Variants in ZNF385D observed in about 807,000 individuals in gnomAD.
ZNF385D encodes the protein zinc finger protein 659.
ZNF385D carries 15 observed loss-of-function variants against 35.8 expected under a neutral mutation model. That is an observed-to-expected ratio of 0.42 (90% CI 0.28 to 0.64). The LOEUF is 0.64. Ranked by LOEUF, ZNF385D falls within the 30% of genes least tolerant of loss-of-function variation. ZNF385D has a pLI of 0.23. For synonymous variants in ZNF385D, 212 were observed against 186.8 expected, an observed-to-expected ratio of 1.13 and a Z score of -1.10; for missense variants, 474 against 494.6, an observed-to-expected ratio of 0.96 and a Z score of 0.39.
At chr3:22,215,608 T>C (rs1697825931) in intron 2 of ZNF385D, among the ~76,000 whole-genome samples, 1 of 152,088 alleles carries the variant, frequency 6.6e-6, no homozygotes, top group African/African-American at 2.4e-5. Flanking sequence ...TAAGATGTTA[T>C]CAATGAAAAT....
intron 2 of ZNF385D, among the ~76,000 whole-genome samples, chr3:22,325,709 G>A (rs78786008): frequency 0.022 from 3,404 of 152,216 alleles, 124 homozygotes; most frequent in African/African-American, 0.078. Context: ...AGTGAGCCAA[G>A]ATCACGCCAT....
chr3:21,986,634 T>A lies in ZNF385D; in HGVS notation c.325+182183A>T, dbSNP rs1694819914. The stretch of plus-strand genomic sequence containing the variant: ...AGGTGTGGTGTGGTGCTGAAAAAAA[T>A]GTATATTCTGTTGATTTGGGGTGGA... On this transcript the variant is annotated intron_variant, in intron 3 of 5. Coordinates refer to the ZNF385D transcript ENST00000494108. 6.1e-5 allele frequency among the ~76,000 whole-genome samples: 9 copies of A among 146,954 alleles called. No individual in the cohort carries two copies. In the South Asian group the frequency reaches 1.9e-3, roughly 32 times the overall value.
At chr3:21,889,331 A>C (rs1325175940) in intron 3 of ZNF385D, among the ~76,000 whole-genome samples, 2 of 152,178 alleles carry the variant, frequency 1.3e-5, no homozygotes, top group African/African-American at 4.8e-5. Flanking sequence ...CCTCAGATGC[A>C]AGATGGGGGA....
intron 4 of ZNF385D, among the ~76,000 whole-genome samples, chr3:21,487,251 T>G (rs1705101568): frequency 6.6e-6 from 1 of 152,112 alleles, no homozygotes; most frequent in Non-Finnish European, 1.5e-5. Context: ...TTCCATAAAA[T>G]ATTGTGGCCT....
At position 21,932,325 on chromosome 3, in the gene ZNF385D, A is replaced by C. The variant is rs1291094176; in HGVS notation, c.325+236492T>G. 2.0e-5 allele frequency among the ~76,000 whole-genome samples: 3 copies of C among 152,098 alleles called. No individual in the cohort carries two copies. The East Asian group carries it at 5.8e-4, about 29-fold the overall frequency. On this transcript the variant is annotated intron_variant, in intron 3 of 5. Coordinates refer to the ZNF385D transcript ENST00000494108. Reference sequence around the variant, plus strand: ...TGTAAATGTTCCTAAATCTAGAACTAAGGAAAAAAGATTCAAAACGCAATT... The same window carrying C: ...TGTAAATGTTCCTAAATCTAGAACTCAGGAAAAAAGATTCAAAACGCAATT...
At chr3:22,366,247 A>C (rs1696651581) in intron 2 of ZNF385D, among the ~76,000 whole-genome samples, 1 of 152,086 alleles carries the variant, frequency 6.6e-6, no homozygotes, top group African/African-American at 2.4e-5. Flanking sequence ...AACTACACCC[A>C]ATACAAGTAC....
At chr3:21,868,712 A>G (rs1391487820) in intron 3 of ZNF385D, among the ~76,000 whole-genome samples, 2 of 152,174 alleles carry the variant, frequency 1.3e-5, no homozygotes, top group East Asian at 1.9e-4. Flanking sequence ...ATTAGTTCAC[A>G]TATGTAAATT....
intron 3 of ZNF385D, among the ~76,000 whole-genome samples, chr3:22,162,222 G>A (rs1435757183): frequency 6.6e-6 from 1 of 152,074 alleles, no homozygotes; most frequent in African/African-American, 2.4e-5. Context: ...GACTTTGAAG[G>A]AAACCAGAAT....
At chr3:22,359,822 G>A (rs1002757852) in intron 2 of ZNF385D, among the ~76,000 whole-genome samples, 1 of 151,718 alleles carries the variant, frequency 6.6e-6, no homozygotes, top group African/African-American at 2.4e-5. Flanking sequence ...ATAAACAAAT[G>A]AATTTATAAT....
chr3:21,617,251 A>G (rs1465273711), intron 2 of ZNF385D, among the ~76,000 whole-genome samples: 1 of 152,194 alleles, frequency 6.6e-6, no homozygotes, highest in African/African-American at 2.4e-5. Flanking sequence ...GCTCAAAACA[A>G]TAACCTAAGT....
At chr3:21,610,707 G>A (rs1041645954) in intron 2 of ZNF385D, among the ~76,000 whole-genome samples, 1 of 151,988 alleles carries the variant, frequency 6.6e-6, no homozygotes, top group African/African-American at 2.4e-5. Flanking sequence ...CCCAGGAGGC[G>A]GGGCTTGCAG....
chr3:21,886,102 T>G (rs901304700), intron 3 of ZNF385D, among the ~76,000 whole-genome samples: 1 of 152,086 alleles, frequency 6.6e-6, no homozygotes, highest in Non-Finnish European at 1.5e-5. Context: ...AAATTAACCA[T>G]CACATAGATA....
intron 2 of ZNF385D, among the ~76,000 whole-genome samples, chr3:22,295,507 A>G (rs992058551): frequency 6.6e-6 from 1 of 152,154 alleles, no homozygotes; most frequent in African/African-American, 2.4e-5. Context: ...GCGTACATGT[A>G]GGTGTATGGC....
intron 3 of ZNF385D, among the ~76,000 whole-genome samples, chr3:22,095,669 A>G (rs1023146928): frequency 6.6e-6 from 1 of 150,868 alleles, no homozygotes; most frequent in Non-Finnish European, 1.5e-5. Flanking sequence ...TGATTTCTTT[A>G]TTTTAATTTT....
At chr3:22,183,298 C>A (rs890559633) in intron 2 of ZNF385D, among the ~76,000 whole-genome samples, 1 of 152,030 alleles carries the variant, frequency 6.6e-6, no homozygotes, top group Admixed American at 6.6e-5. Context: ...TAACAGTATG[C>A]ATTCTGCTCT....
At chr3:22,094,395 T>TCAACAATATATATTGTTG (rs1553606514) in intron 3 of ZNF385D, among the ~76,000 whole-genome samples, 1 of 136,314 alleles carries the variant, frequency 7.3e-6, no homozygotes, top group East Asian at 2.1e-4. Flanking sequence ...GATATATATA[T>TCAACAATATATATTGTTG]ATATATATAT....
intron 2 of ZNF385D, among the ~76,000 whole-genome samples, chr3:22,255,022 T>C (rs771989579): frequency 1.3e-5 from 2 of 151,886 alleles, no homozygotes; most frequent in African/African-American, 4.8e-5. Context: ...TTCAGAACAA[T>C]GTGCAAACAT....
At position 21,860,086 on chromosome 3, in the gene ZNF385D, T is replaced by C. The variant is rs187095764; in HGVS notation, c.326-195058A>G. Among the ~76,000 whole-genome samples the C allele has an allele frequency of 3.3e-5, 5 of 152,212 alleles. No homozygotes were observed. The East Asian group carries it at 9.7e-4, about 29-fold the overall frequency. On this transcript the variant is annotated intron_variant, in intron 3 of 5. Coordinates refer to the ZNF385D transcript ENST00000494108. Reference sequence around the variant, plus strand: ...ACAGGCTCTTTTAGGGTTAAAAAAGTACAAAATTAGGATGAATGTTGAAAT... The same window carrying C: ...ACAGGCTCTTTTAGGGTTAAAAAAGCACAAAATTAGGATGAATGTTGAAAT...
intron 3 of ZNF385D, among the ~76,000 whole-genome samples, chr3:21,910,899 T>G (rs956365646): frequency 6.6e-6 from 1 of 151,940 alleles, no homozygotes; most frequent in Admixed American, 6.6e-5. Context: ...TTATTATGTT[T>G]GATAACTATT....
Sources: gnomAD v4.1 joint callset for allele counts (sites outside exome capture counted in the v4.1 genomes callset) on GRCh38, gnomAD v4.1.1 for gene constraint, MANE v1.5 for transcripts, NCBI Gene and HGNC (gene_info 2026-07-23, HGNC 2026-07-21) for gene names.